ZNF518B: variants seen among roughly 807,000 people sequenced by gnomAD.
The protein encoded by ZNF518B is zinc finger protein 518B.
A neutral mutation model predicts 56.3 loss-of-function variants in ZNF518B; 23 were observed. That is an observed-to-expected ratio of 0.41 (90% CI 0.29 to 0.58). The LOEUF (loss-of-function observed/expected upper bound fraction) is 0.58, where lower values mean the gene tolerates loss of function less well. ZNF518B is among the 20% of genes least tolerant of loss of function. ZNF518B has a pLI of 0.32. For synonymous variants in ZNF518B, 529 were observed against 465.9 expected, an observed-to-expected ratio of 1.14 and a Z score of -1.74; for missense variants, 1,460 against 1,272.1, an observed-to-expected ratio of 1.15 and a Z score of -2.25.
At chr4:10,452,029 T>C (rs962808772) in intron 2 of ZNF518B, 3 of 152,190 alleles carry the variant, frequency 2.0e-5, no homozygotes, top group Non-Finnish European at 4.4e-5. Context: ...TCAGTGTTAG[T>C]TGACTGTGAC....
In ZNF518B at chr4:10,445,930, G is replaced by A. The variant is rs764665057; in HGVS notation, c.399C>T (p.Gly133=). 6.2e-7 allele frequency: 1 copy of A among 1,614,174 alleles called. No individual in the cohort carries two copies. The highest frequency in any genetic ancestry group is 2.2e-5 in the East Asian group (1 of 44,892). Residue 133 remains glycine, a synonymous_variant, in exon 3 of 3, where the codon GGC becomes GGT. Transcript: ENST00000326756. ...ATCGACATTTATCACAATAGTATTT[G>A]CCTGGCTTAAAGTTCCTTACCTTAA... ...SKFKVRNFKP[G]KYYCDKCRFS...
chr4:10,460,469 C>G (rs191291364), upstream of ZNF518B, among the ~76,000 whole-genome samples: 107 of 152,028 alleles, frequency 7.0e-4, no homozygotes, highest in South Asian at 2.1e-3. Context: ...AATGCAATGA[C>G]GGGGACTTGG....
At position 10,440,915 on chromosome 4, in the gene ZNF518B, C is replaced by CTT. The variant is rs1316434030; in HGVS notation, c.*2187_*2188dup. On this transcript the variant is annotated 3_prime_UTR_variant, in exon 3 of 3. Coordinates refer to ENST00000326756, the MANE Select transcript of ZNF518B (RefSeq NM_053042.3). ...TTCTTCACTCCTCTCCTCTCTATAT[C>CTT]TTGGGAGCTATTTTTCATGCCACAG... 1.3e-5 allele frequency: 2 copies of CTT among 152,540 alleles called. No homozygotes were observed. Among genetic ancestry groups the CTT allele is most frequent in the African/African-American group, 2.4e-5 (1 of 41,422 alleles). 9.4% of individuals were successfully genotyped at this position (152,540 alleles called of 1,614,324 possible). A position where few individuals can be genotyped will look rare whatever the true frequency, so the allele number is the denominator to read the frequency against.
intron 2 of ZNF518B, among the ~76,000 whole-genome samples, chr4:10,446,879 A>G (rs1715082469): frequency 6.6e-6 from 1 of 152,212 alleles, no homozygotes; most frequent in Admixed American, 6.5e-5. Context: ...GTATAATTTC[A>G]TATTACCTTC....
At chr4:10,451,961 C>G (rs950276392) in intron 2 of ZNF518B, 1 of 152,214 alleles carries the variant, frequency 6.6e-6, no homozygotes, top group Non-Finnish European at 1.5e-5. Flanking sequence ...CCAATTATAT[C>G]GCATACATGC....
At chr4:10,458,184 G>A (rs1441953285), upstream of ZNF518B, among the ~76,000 whole-genome samples, 1 of 152,148 alleles carries the variant, frequency 6.6e-6, no homozygotes, top group Admixed American at 6.5e-5. Context: ...CCTCTAAGAG[G>A]AAAGAAGAAG....
rs1259683521 is a variant in ZNF518B at position 10,445,045 on chromosome 4, C to T, written c.1284G>A (p.Gln428=). ...ACCTTACCCATTTCACATTTTTAAG[C>T]TGTTTCTGAACTGAAGGTTGAAAAC... is the stretch of plus-strand genomic sequence containing the variant. The part of the protein sequence containing the change: ...IDSFQPSVQK[Q]LKNVKWVRSY... Residue 428 remains glutamine, a synonymous_variant, in exon 3 of 3, where the codon CAG becomes CAA. Transcript: ENST00000326756. The T allele has an allele frequency of 6.2e-7, 1 of 1,614,050 alleles. No individual in the cohort carries two copies. Among genetic ancestry groups the T allele is most frequent in the Non-Finnish European group, 8.5e-7 (1 of 1,180,042 alleles).
upstream of ZNF518B, among the ~76,000 whole-genome samples, chr4:10,459,772 G>C (rs1715685688): frequency 6.6e-6 from 1 of 152,200 alleles, no homozygotes; most frequent in Non-Finnish European, 1.5e-5. Flanking sequence ...AAAAGGCAGG[G>C]AGGATCCTCC....
rs1423429754 is a variant in ZNF518B, at chr4:10,441,275, CAT to C, written c.*1827_*1828del. The C allele has an allele frequency of 6.6e-6, 1 of 152,372 alleles. No individual in the cohort carries two copies. Among genetic ancestry groups the C allele is most frequent in the Non-Finnish European group, 1.5e-5 (1 of 68,002 alleles). The allele number at this position is 152,372 out of a possible 1,614,324, so 9.4% of individuals were successfully genotyped here. A position where few individuals can be genotyped will look rare whatever the true frequency, so the allele number is the denominator to read the frequency against. On this transcript the variant is annotated 3_prime_UTR_variant, in exon 3 of 3. Coordinates refer to ENST00000326756, the MANE Select transcript of ZNF518B (RefSeq NM_053042.3). Reference sequence around the variant, plus strand: ...GGTAAAAAATATTTTTATGTGTACACATACACATATATAAAAATGCAAGTTTT... The same window carrying C: ...GGTAAAAAATATTTTTATGTGTACACACACATATATAAAAATGCAAGTTTT...
rs201293368 is a variant in ZNF518B at position 10,445,102 on chromosome 4, G to A, written c.1227C>T (p.Asp409=). 4.2e-5 allele frequency: 68 copies of A among 1,613,970 alleles called. No homozygotes were observed. The highest frequency in any genetic ancestry group is 4.2e-4 in the South Asian group (38 of 91,080). ...TGCCTACGAGTTTTCCAACATTCCC[G>A]TCAACTGTCAGTGACTTTGTTTTTT... The part of the protein sequence containing the change: ...SAEKTKSLTV[D]GNVGKLVGID... The change falls in exon 3 of 3, where the codon GAC becomes GAT. Residue 409 remains aspartate, a synonymous_variant. Coordinates refer to ENST00000326756, the MANE Select transcript of ZNF518B (RefSeq NM_053042.3).
upstream of ZNF518B, among the ~76,000 whole-genome samples, chr4:10,460,642 G>C (rs1715718739): frequency 6.6e-6 from 1 of 152,194 alleles, no homozygotes; most frequent in East Asian, 1.9e-4. Flanking sequence ...TGATCTTAGA[G>C]AGCCCTTCAT....
rs1714806856 is a variant in ZNF518B, at chr4:10,443,805, G to A, written c.2524C>T (p.Pro842Ser). The change falls in exon 3 of 3, where the codon CCT becomes TCT. Residue 842 changes from proline to serine, a missense_variant. Pro to Ser is a moderately conservative substitution (Grantham distance 74). Transcript: ENST00000326756. ...PIDMSPNIET[P>S]LRPKLRKESA... is the part of the protein sequence containing the mutation. ...TCTTTTCTCAGTTTAGGCCGCAGAG[G>A]TGTCTCGATATTTGGGGACATATCT... 1 of 1,614,178 alleles carries A rather than the reference G, an allele frequency of 6.2e-7. No individual in the cohort carries two copies. The highest frequency in any genetic ancestry group is 8.5e-7 in the Non-Finnish European group (1 of 1,180,038).
In ZNF518B at chr4:10,445,759, A is replaced by G. The variant is rs753209493; in HGVS notation, c.570T>C (p.Tyr190=). 1.9e-6 allele frequency: 3 copies of G among 1,614,224 alleles called. No individual in the cohort carries two copies. The highest frequency in any genetic ancestry group is 1.7e-5 in the Admixed American group (1 of 60,028). The change falls in exon 3 of 3, where the codon TAT becomes TAC. Residue 190 remains tyrosine (Y), a synonymous_variant. Coordinates refer to ENST00000326756, the MANE Select transcript of ZNF518B (RefSeq NM_053042.3). Reference sequence around the variant, plus strand: ...CACCATAGTCACAATACTCACACTGATAAGGAAATATGCCTGTGTGTTTCA... The same window carrying G: ...CACCATAGTCACAATACTCACACTGGTAAGGAAATATGCCTGTGTGTTTCA... The part of the protein sequence containing the change: ...HLVKHTGIFP[Y]QCEYCDYGAI...
Position 10,443,092 on chromosome 4 carries a change from GTAACTGTTTAC to G in ZNF518B, c.*1_*11del. On this transcript the variant is annotated 3_prime_UTR_variant, in exon 3 of 3. Coordinates refer to ENST00000326756, the MANE Select transcript of ZNF518B (RefSeq NM_053042.3). ...ACTAAAAGATAACTTGCTTTAAAGA[GTAACTGTTTAC>G]TTATTTGCCCTTGGAGGAAAGAACA... 1 of 1,601,520 alleles carries G rather than the reference GTAACTGTTTAC, an allele frequency of 6.2e-7. No individual in the cohort carries two copies. Among genetic ancestry groups the G allele is most frequent in the Non-Finnish European group, 8.5e-7 (1 of 1,173,998 alleles).
Position 10,445,448 on chromosome 4 carries a change from T to G in ZNF518B, c.881A>C (p.Lys294Thr). The change falls in exon 3 of 3, where the codon AAA becomes ACA. Residue 294 changes from lysine to threonine, a missense_variant. By Grantham distance (78) the Lys-to-Thr change is moderately conservative. Transcript: ENST00000326756. ...TTCATTTGGCTCAGACAGGGTCATT[T>G]TATTTGGAATACAAACTACATCTTT... ...YQKDVVCIPN[K>T]MTLSEPNEVN... 1 of 1,614,242 alleles carries G rather than the reference T, an allele frequency of 6.2e-7. No homozygotes were observed. Among genetic ancestry groups the G allele is most frequent in the African/African-American group, 1.3e-5 (1 of 75,072 alleles).
intron 2 of ZNF518B, chr4:10,451,100 C>T (rs1277703160): frequency 1.3e-5 from 2 of 152,152 alleles, no homozygotes; most frequent in African/African-American, 2.4e-5. Flanking sequence ...GGAAATAGCC[C>T]TGAATGCATT....
upstream of ZNF518B, among the ~76,000 whole-genome samples, chr4:10,457,709 C>T (rs920485051): frequency 3.3e-5 from 5 of 152,244 alleles, no homozygotes; most frequent in African/African-American, 7.2e-5. Flanking sequence ...GTACCGGGTC[C>T]CGCGGAGGGC....
Position 10,441,026 on chromosome 4 carries a change from TA to T in ZNF518B, c.*2077del, listed in dbSNP as rs887147142. Reference sequence around the variant, plus strand: ...GATCTACTTCCTAAAAAGCACCAAATAAAAATGCAGTAATAAAATGATCCAA... The same window carrying T: ...GATCTACTTCCTAAAAAGCACCAAATAAAATGCAGTAATAAAATGATCCAA... On this transcript the variant is annotated 3_prime_UTR_variant, in exon 3 of 3. Coordinates refer to ENST00000326756, the MANE Select transcript of ZNF518B (RefSeq NM_053042.3). 6.6e-6 allele frequency: 1 copy of T among 152,522 alleles called. No individual in the cohort carries two copies. The highest frequency in any genetic ancestry group is 2.4e-5 in the African/African-American group (1 of 41,414). 9.4% of individuals were successfully genotyped at this position (152,522 alleles called of 1,614,324 possible). A position where few individuals can be genotyped will look rare whatever the true frequency, so the allele number is the denominator to read the frequency against.
At position 10,445,120 on chromosome 4, in the gene ZNF518B, T is replaced by A. The variant is rs192451200; in HGVS notation, c.1209A>T (p.Thr403=). Residue 403 remains threonine (T), a synonymous_variant, in exon 3 of 3, where the codon ACA becomes ACT. Transcript: ENST00000326756. ...EQEKVLSAEK[T]KSLTVDGNVG... ...CATTCCCGTCAACTGTCAGTGACTT[T>A]GTTTTTTCTGCAGAAAGTACTTTTT... 26 of 1,614,174 alleles carry A rather than the reference T, an allele frequency of 1.6e-5. No homozygotes were observed. The Admixed American group carries it at 2.7e-4, about 17-fold the overall frequency.
Sources: allele counts gnomAD v4.1 joint callset (sites outside exome capture counted in the v4.1 genomes callset), GRCh38; gene constraint gnomAD v4.1.1; transcripts MANE v1.5; gene names NCBI Gene and HGNC (gene_info 2026-07-23, HGNC 2026-07-21).